The following RBBP8 variants were observed in gnomAD, a reference collection of about 807,000 sequenced individuals.
RBBP8 encodes RB binding protein 8, endonuclease.
In RBBP8, 88 loss-of-function variants were observed where a neutral mutation model predicts 108.3. The observed-to-expected ratio is 0.81, with a 90% CI of 0.68 to 0.97. The LOEUF (loss-of-function observed/expected upper bound fraction) is 0.97. Ranked by LOEUF, RBBP8 falls within the 50% of genes least tolerant of loss-of-function variation. The pLI is 0.00. For synonymous variants in RBBP8, 332 were observed against 348.2 expected (o/e 0.95, Z 0.52); for missense variants, 1,023 against 1,049.0 (o/e 0.98, Z 0.34).
intron 8 of RBBP8, among the ~76,000 whole-genome samples, chr18:22,987,688 G>A (rs1915423359): frequency 6.6e-6 from 1 of 152,188 alleles, no homozygotes; most frequent in African/African-American, 2.4e-5. Context: ...CTAGTCTCAA[G>A]CAGGCTCCAC....
chr18:23,007,047 G>A (rs1178981419), intron 16 of RBBP8, among the ~76,000 whole-genome samples: 2 of 147,058 alleles, frequency 1.4e-5, no homozygotes, highest in African/African-American at 5.0e-5. Flanking sequence ...TGGAGACAGA[G>A]TTTCACTCTG....
chr18:22,995,267 T>C (rs918831770), intron 12 of RBBP8, among the ~76,000 whole-genome samples: 1 of 152,130 alleles, frequency 6.6e-6, no homozygotes, highest in African/African-American at 2.4e-5. Flanking sequence ...ATTTTTTTCA[T>C]GGTTGCTCTA....
At chr18:22,989,023 C>G (rs944185223) in intron 8 of RBBP8, among the ~76,000 whole-genome samples, 198 bp from the exon 9 acceptor site, 1 of 152,128 alleles carries the variant, frequency 6.6e-6, no homozygotes, top group South Asian at 2.1e-4. Flanking sequence ...AAAATTTTAG[C>G]ACGCATAGAC....
chr18:23,003,707 C>G (rs1038077006), intron 15 of RBBP8, among the ~76,000 whole-genome samples: 4 of 152,100 alleles, frequency 2.6e-5, no homozygotes, highest in African/African-American at 9.7e-5. Flanking sequence ...TGTTTATTCC[C>G]TAGTTATAAC....
At chr18:22,997,258 A>G (rs780923371) in intron 13 of RBBP8, among the ~76,000 whole-genome samples, 9 of 152,236 alleles carry the variant, frequency 5.9e-5, no homozygotes, top group Admixed American at 1.3e-4. Context: ...ATATATGCCT[A>G]TCAAGAAATT....
At chr18:23,004,298 C>T (rs1035795166) in intron 15 of RBBP8, among the ~76,000 whole-genome samples, 59 of 151,930 alleles carry the variant, frequency 3.9e-4, no homozygotes, top group African/African-American at 1.4e-3. Context: ...CACACACACA[C>T]ATATACATAG....
intron 17 of RBBP8, among the ~76,000 whole-genome samples, chr18:23,021,166 T>C (rs2046340892): frequency 6.6e-6 from 1 of 152,160 alleles, no homozygotes; most frequent in Admixed American, 6.5e-5. Flanking sequence ...TCCCAGCACT[T>C]TGGGAGTCTG....
chr18:23,019,938 A>T (rs1278792959), intron 17 of RBBP8, among the ~76,000 whole-genome samples: 2 of 150,600 alleles, frequency 1.3e-5, no homozygotes, highest in African/African-American at 2.4e-5. Context: ...ATTTTTTTGT[A>T]TTTTCAGTAG....
upstream of RBBP8, among the ~76,000 whole-genome samples, chr18:22,932,981 C>A (rs977759815): frequency 1.2e-4 from 18 of 152,200 alleles, no homozygotes; most frequent in Admixed American, 9.8e-4. Context: ...CGCGTCCATA[C>A]CCCCCATCAG....
At chr18:23,023,074 T>C (rs528475270) in intron 18 of RBBP8, among the ~76,000 whole-genome samples, 230 of 150,932 alleles carry the variant, frequency 1.5e-3, no homozygotes, top group Non-Finnish European at 2.0e-3. Context: ...TTTTTTTTTT[T>C]CCCCCTAGAG....
chr18:22,945,024 C>T (rs1357354188), intron 2 of RBBP8, among the ~76,000 whole-genome samples: 1 of 152,018 alleles, frequency 6.6e-6, no homozygotes, highest in East Asian at 1.9e-4. Context: ...ATATGAAAAA[C>T]TTTTCTGATT....
chr18:23,008,925 C>G (rs558074794), intron 16 of RBBP8, among the ~76,000 whole-genome samples: 1 of 151,818 alleles, frequency 6.6e-6, no homozygotes, highest in Non-Finnish European at 1.5e-5. Flanking sequence ...AGGCGCCCAC[C>G]ACCACACCTG....
intron 3 of RBBP8, 144 bp downstream of exon 3, chr18:22,946,630 T>C: frequency 8.3e-7 from 1 of 1,204,016 alleles, no homozygotes; most frequent in Non-Finnish European, 1.1e-6. Flanking sequence ...CTACTTAGTA[T>C]GGGCCTTGGT....
rs768349229 is a variant in RBBP8, at chr18:22,997,632, T to C, written c.2041T>C (p.Ser681Pro). ...TVIDTKDGSQ[S>P]KLGGETVDMD... ...AATATTTATTTAGGATGGCAGTCAG[T>C]CAAAATTAGGAGGAGAGACAGTGGA... Residue 681 changes from serine to proline, a missense_variant, in exon 14 of 19, where the codon TCA (serine) becomes CCA (proline). Physicochemically the swap from Ser to Pro is moderately conservative, Grantham distance 74. Transcript: ENST00000327155. 6.2e-7 allele frequency: 1 copy of C among 1,601,250 alleles called. No homozygotes were observed. Among genetic ancestry groups the C allele is most frequent in the Non-Finnish European group, 8.5e-7 (1 of 1,171,360 alleles).
chr18:22,964,669 TTAAA>T (rs1913419222), intron 4 of RBBP8, among the ~76,000 whole-genome samples: 1 of 151,834 alleles, frequency 6.6e-6, no homozygotes, highest in South Asian at 2.1e-4. Flanking sequence ...TGGTTTTTGT[TTAAA>T]TAGTGACAGG....
intron 4 of RBBP8, among the ~76,000 whole-genome samples, chr18:22,967,463 A>C (rs1280894038): frequency 6.6e-6 from 1 of 152,026 alleles, no homozygotes; most frequent in Non-Finnish European, 1.5e-5. Flanking sequence ...CTGATTAGGT[A>C]AATAATGAAA....
At chr18:23,000,143 G>T (rs1312745628) in intron 14 of RBBP8, among the ~76,000 whole-genome samples, 1 of 152,170 alleles carries the variant, frequency 6.6e-6, no homozygotes, top group Non-Finnish European at 1.5e-5. Context: ...TATAATAGAT[G>T]ATGGTAAGTC....
rs546061653 is a variant in RBBP8, at chr18:22,924,435, T to C, written c.-153-4948T>C. Among the ~76,000 whole-genome samples, 7 of 150,736 alleles carry C rather than the reference T, an allele frequency of 4.6e-5. No individual in the cohort carries two copies. In the South Asian group the frequency reaches 8.4e-4, roughly 18 times the overall value. ...GGCCACTGCCCCCAGCCAAAGCTTT[T>C]TGAAGTAAAAAGAAAAATGTACTTG... On this transcript the variant is annotated intron_variant, in intron 3 of 4. Coordinates refer to the RBBP8 transcript ENST00000577588.
At chr18:23,015,082 G>T (rs1380054926) in intron 16 of RBBP8, among the ~76,000 whole-genome samples, 1 of 152,002 alleles carries the variant, frequency 6.6e-6, no homozygotes, top group Non-Finnish European at 1.5e-5. Flanking sequence ...GTAGAGACAG[G>T]TGGTTTGATA....
Sources: allele counts gnomAD v4.1 joint callset (sites outside exome capture counted in the v4.1 genomes callset), GRCh38; gene constraint gnomAD v4.1.1; transcripts MANE v1.5; gene names NCBI Gene and HGNC (gene_info 2026-07-23, HGNC 2026-07-21).